HS2ST1: variants seen among roughly 807,000 people sequenced by gnomAD.
HS2ST1 encodes the protein 2-O-sulfotransferase.
Under a neutral mutation model 42.9 loss-of-function variants are expected in HS2ST1, and 18 were observed. That is an observed-to-expected ratio of 0.42 (90% CI 0.29 to 0.62). HS2ST1 has a LOEUF of 0.62. Among genes scored for constraint, HS2ST1 ranks in the 20% least tolerant of loss-of-function variants. HS2ST1 has a pLI of 0.21. For missense variants in HS2ST1, 334 were observed against 433.8 expected (o/e 0.77, Z 2.04); for synonymous variants, 146 against 152.9 (o/e 0.95, Z 0.33).
At chr1:86,981,190 A>G (rs79051213) in intron 1 of HS2ST1, among the ~76,000 whole-genome samples, 122 of 152,200 alleles carry the variant, frequency 8.0e-4, no homozygotes, top group African/African-American at 2.0e-3. Flanking sequence ...CCATGATTCA[A>G]TCACCTCCCT....
chr1:87,045,638 CT>C (rs1483490044), intron 1 of HS2ST1: 1 of 775,142 alleles, frequency 1.3e-6, no homozygotes, highest in Non-Finnish European at 2.4e-6. Flanking sequence ...CTGATAAGAT[CT>C]TCAATCTTTC....
chr1:87,024,080 A>G (rs1015867075), intron 1 of HS2ST1, among the ~76,000 whole-genome samples: 6 of 152,188 alleles, frequency 3.9e-5, no homozygotes, highest in Admixed American at 3.3e-4. Context: ...GAGCATACCA[A>G]TAGGTATTAA....
At chr1:86,979,385 G>C (rs1300254550) in intron 1 of HS2ST1, among the ~76,000 whole-genome samples, 1 of 152,026 alleles carries the variant, frequency 6.6e-6, no homozygotes, top group Non-Finnish European at 1.5e-5. Context: ...CAGCCCCTGG[G>C]TAACCACTGT....
At chr1:87,065,876 C>G (rs1651236422) in intron 1 of HS2ST1, among the ~76,000 whole-genome samples, 1 of 152,046 alleles carries the variant, frequency 6.6e-6, no homozygotes, top group South Asian at 2.1e-4. Flanking sequence ...TATTACTTAT[C>G]TAGTTGTTAT....
chr1:87,080,978 A>G (rs1048983426), intron 2 of HS2ST1, among the ~76,000 whole-genome samples: 1 of 152,230 alleles, frequency 6.6e-6, no homozygotes, highest in African/African-American at 2.4e-5. Context: ...GTCCTAAATA[A>G]TGATAAAGGA....
At chr1:86,976,440 A>G (rs989793527) in intron 1 of HS2ST1, among the ~76,000 whole-genome samples, 3 of 152,096 alleles carry the variant, frequency 2.0e-5, no homozygotes, top group African/African-American at 7.2e-5. Flanking sequence ...CTAATGGGAT[A>G]TAAGTTAGAA....
At chr1:86,975,111 A>G (rs1214657793) in intron 1 of HS2ST1, among the ~76,000 whole-genome samples, 1 of 152,134 alleles carries the variant, frequency 6.6e-6, no homozygotes, top group Non-Finnish European at 1.5e-5. Context: ...GCATACCCTT[A>G]TGTATCTACA....
chr1:86,956,129 A>T (rs936658093), intron 1 of HS2ST1, among the ~76,000 whole-genome samples: 1 of 152,234 alleles, frequency 6.6e-6, no homozygotes, highest in Non-Finnish European at 1.5e-5. Context: ...TTCTTTGAAC[A>T]TATTTGTTAA....
At chr1:87,100,283 T>G (rs975681829) in intron 5 of HS2ST1, among the ~76,000 whole-genome samples, 2 of 152,194 alleles carry the variant, frequency 1.3e-5, no homozygotes, top group African/African-American at 4.8e-5. Context: ...TAACACCACC[T>G]GGAAACCACC....
At chr1:86,953,379 A>C (rs1361386162) in intron 1 of HS2ST1, among the ~76,000 whole-genome samples, 1 of 152,246 alleles carries the variant, frequency 6.6e-6, no homozygotes, top group East Asian at 1.9e-4. Context: ...TCCTTCAAGA[A>C]CTCTTCCTTT....
chr1:87,050,329 T>G (rs1370424797), intron 1 of HS2ST1, among the ~76,000 whole-genome samples: 1 of 152,042 alleles, frequency 6.6e-6, no homozygotes, highest in Non-Finnish European at 1.5e-5. Context: ...TCCCATCAAG[T>G]AATCTTATTC....
chr1:86,920,967 C>CA (rs552321542), intron 1 of HS2ST1, among the ~76,000 whole-genome samples: 11 of 145,656 alleles, frequency 7.6e-5, no homozygotes, highest in Middle Eastern at 3.6e-3. Context: ...TTCACCATAC[C>CA]AAAAAAAAAA....
chr1:86,962,380 C>G (rs905691088), intron 1 of HS2ST1, among the ~76,000 whole-genome samples: 3 of 151,584 alleles, frequency 2.0e-5, no homozygotes, highest in Non-Finnish European at 4.4e-5. Context: ...AGTTTGTACA[C>G]GGATGATTAA....
chr1:87,083,875 G>A (rs1319210998), intron 2 of HS2ST1, among the ~76,000 whole-genome samples: 2 of 152,176 alleles, frequency 1.3e-5, no homozygotes, highest in Admixed American at 1.3e-4. Flanking sequence ...TTGGCAGGGT[G>A]TAGATACATA....
chr1:87,056,250 T>C (rs769206347), intron 1 of HS2ST1, among the ~76,000 whole-genome samples: 19 of 152,222 alleles, frequency 1.2e-4, no homozygotes, highest in Non-Finnish European at 1.6e-4. Context: ...TTTCTGCATA[T>C]GTCAGTTTCT....
rs772130541 is a variant in HS2ST1 at position 87,104,540 on chromosome 1, G to A, written c.915G>A (p.Gln305=). The change falls in exon 7 of 7, where the codon CAG becomes CAA. Residue 305 remains glutamine (Q), a synonymous_variant. Coordinates refer to ENST00000370550, the MANE Select transcript of HS2ST1 (RefSeq NM_012262.4). ...CTAAACAAACCATTGCAAAACTACA[G>A]CAATCTGATATTTGGAAAATGGAGA... The part of the protein sequence containing the change: ...LPTKQTIAKL[Q]QSDIWKMENE... 6.2e-7 allele frequency: 1 copy of A among 1,613,368 alleles called. No homozygotes were observed. Among genetic ancestry groups the A allele is most frequent in the East Asian group, 2.2e-5 (1 of 44,848 alleles).
intron 1 of HS2ST1, among the ~76,000 whole-genome samples, chr1:86,954,046 A>T (rs1001818591): frequency 9.4e-5 from 12 of 127,238 alleles, no homozygotes; most frequent in African/African-American, 2.9e-4. Context: ...TTTTTAAAAA[A>T]AAAAAAAAAA....
intron 1 of HS2ST1, among the ~76,000 whole-genome samples, chr1:87,026,601 T>C (rs953755879): frequency 6.6e-6 from 1 of 152,298 alleles, no homozygotes; most frequent in South Asian, 2.1e-4. Context: ...AGTTTCTTAA[T>C]AGGAGTTCTT....
In HS2ST1 at chr1:87,057,565, CT is replaced by C. The variant is rs33933183; in HGVS notation, c.125-15353del. Among the ~76,000 whole-genome samples the C allele has an allele frequency of 3.2e-3, 459 of 141,318 alleles. 1 individual carries two copies. The highest frequency in any genetic ancestry group is 0.01 in the African/African-American group (398 of 38,386). The allele number at this position is 141,318 out of a possible 152,430, so 92.7% of individuals were successfully genotyped here. A position where few individuals can be genotyped will look rare whatever the true frequency, so the allele number is the denominator to read the frequency against. ...AGGTTTCTTTGTCACCCAGAAGGCA[CT>C]TTTTTTTTTTTTTTTAAAGACAAAG... On this transcript the variant is annotated intron_variant, in intron 1 of 6. Transcript: ENST00000370550.
Sources: allele counts gnomAD v4.1 joint callset (sites outside exome capture counted in the v4.1 genomes callset), GRCh38; gene constraint gnomAD v4.1.1; transcripts MANE v1.5; gene names NCBI Gene and HGNC (gene_info 2026-07-23, HGNC 2026-07-21).